MUC17: variants seen among roughly 807,000 people sequenced by gnomAD.
The protein encoded by MUC17 is mucin 17, cell surface associated.
Under a neutral mutation model 170.3 loss-of-function variants are expected in MUC17, and 190 were observed. The observed-to-expected ratio is 1.12, with a 90% CI of 0.99 to 1.26. The LOEUF (loss-of-function observed/expected upper bound fraction) is 1.26, where lower values mean the gene tolerates loss of function less well. Among genes scored for constraint, MUC17 ranks in the 50% most tolerant of loss-of-function variants. MUC17 has a pLI of 0.00. For synonymous variants in MUC17, 2,325 were observed against 2,002.5 expected (o/e 1.16, Z -4.30); for missense variants, 6,415 against 5,530.0 (o/e 1.16, Z -5.08).
In MUC17 at chr7:101,053,373, CAAG is replaced by C; in HGVS notation, c.13305_13307del (p.Glu4436del). The C allele has an allele frequency of 6.2e-7, 1 of 1,614,074 alleles. No individual in the cohort carries two copies. On this transcript the variant is annotated inframe_deletion, in exon 11 of 13. Coordinates refer to ENST00000306151, the MANE Select transcript of MUC17 (RefSeq NM_001040105.2). ...CAGATTGTCTCAGTTATACAAGTGGCAAGAAGAGGACAGTGGACCAGCTCCTGG... is the reference window on the plus strand; with the variant it reads ...CAGATTGTCTCAGTTATACAAGTGGCAAGAGGACAGTGGACCAGCTCCTGG...
intron 12 of MUC17, 42 bp downstream of exon 12, chr7:101,056,312 G>A: frequency 6.2e-7 from 1 of 1,608,450 alleles, no homozygotes. Flanking sequence ...CCCCAACCCT[G>A]CGACTTTCTT....
In MUC17 at chr7:101,043,733, C is replaced by T. The variant is rs780713362; in HGVS notation, c.12317C>T (p.Pro4106Leu). ...CCCAGCACACGGACCACTTCCTTCC[C>T]CACGGTGACCACCACCGCTGTCCCC... is the stretch of plus-strand genomic sequence containing the variant. ...TKPSTRTTSF[P>L]TVTTTAVPTN... is the part of the protein sequence containing the mutation. Residue 4106 changes from proline (P) to leucine (L), a missense_variant, in exon 3 of 13, where the codon CCC (proline) becomes CTC (leucine). Transcript: ENST00000306151. The T allele has an allele frequency of 6.2e-7, 1 of 1,614,144 alleles. No homozygotes were observed. The highest frequency in any genetic ancestry group is 1.3e-5 in the African/African-American group (1 of 75,044).
intron 3 of MUC17, among the ~76,000 whole-genome samples, chr7:101,046,391 G>A (rs1794840946): frequency 6.6e-6 from 1 of 152,184 alleles, no homozygotes; most frequent in Non-Finnish European, 1.5e-5. Context: ...AGATTTTCCA[G>A]GTTGATTGGC....
At position 101,035,476 on chromosome 7, in the gene MUC17, A is replaced by G. The variant is rs776011702; in HGVS notation, c.4060A>G (p.Ile1354Val). 7 of 1,601,504 alleles carry G rather than the reference A, an allele frequency of 4.4e-6. No individual in the cohort carries two copies. In the East Asian group the frequency reaches 6.8e-5, roughly 16 times the overall value. The change falls in exon 3 of 13, where the codon ATC (isoleucine) becomes GTC (valine). Residue 1354 changes from isoleucine to valine, a missense_variant. Transcript: ENST00000306151. ...VNTTLVASSA[I>V]SILSTTPVDN... ...CACCACACTGGTGGCCAGTTCTGCA[A>G]TCAGCATCCTTTCAACAACTCCTGT...
intron 3 of MUC17, among the ~76,000 whole-genome samples, chr7:101,047,665 AC>A (rs1296722908): frequency 6.6e-6 from 1 of 152,122 alleles, no homozygotes; most frequent in African/African-American, 2.4e-5. Context: ...CCCCGTCTCT[AC>A]TAAAAATACA....
intron 1 of MUC17, among the ~76,000 whole-genome samples, chr7:101,022,144 C>T (rs937827944): frequency 2.6e-5 from 4 of 151,038 alleles, no homozygotes; most frequent in East Asian, 1.9e-4. Context: ...CCATCCCACT[C>T]TTGTCCTCCT....
Position 101,031,582 on chromosome 7 carries a change from A to G in MUC17, c.185-19A>G. On this transcript the variant is annotated intron_variant, in intron 2 of 12. Transcript: ENST00000306151. ...ACCCTAAGAAACTTCTAAACAAAATATCATTGTATCTTAAACAGGTTCTGC... is the reference window on the plus strand; with the variant it reads ...ACCCTAAGAAACTTCTAAACAAAATGTCATTGTATCTTAAACAGGTTCTGC... 1.3e-6 allele frequency: 2 copies of G among 1,514,684 alleles called. No homozygotes were observed. The highest frequency in any genetic ancestry group is 1.8e-6 in the Non-Finnish European group (2 of 1,133,326). The allele number at this position is 1,514,684 out of a possible 1,614,324, so 93.8% of individuals were successfully genotyped here.
chr7:101,035,429 C>T lies in MUC17; in HGVS notation c.4013C>T (p.Pro1338Leu). 2 of 1,603,450 alleles carry T rather than the reference C, an allele frequency of 1.2e-6. No individual in the cohort carries two copies. The highest frequency in any genetic ancestry group is 1.3e-5 in the African/African-American group (1 of 74,254). The change falls in exon 3 of 13, where the codon CCT (proline) becomes CTT (leucine). Residue 1338 changes from proline to leucine, a missense_variant. By Grantham distance (98) the Pro-to-Leu change is moderately conservative (BLOSUM62 -3). Coordinates refer to ENST00000306151, the MANE Select transcript of MUC17 (RefSeq NM_001040105.2). The part of the protein sequence containing the change: ...PTSTYSEGRT[P>L]LTSIPVNTTL... ...TCAACTTATAGTGAAGGAAGAACTC[C>T]TTTAACAAGTATACCTGTCAACACC...
Position 101,032,303 on chromosome 7 carries a change from C to T in MUC17, c.887C>T (p.Ser296Leu). Residue 296 changes from serine (S) to leucine (L), a missense_variant, in exon 3 of 13, where the codon TCA becomes TTA. Physicochemically the swap from Ser to Leu is moderately radical, Grantham distance 145 (BLOSUM62 -2). Coordinates refer to ENST00000306151, the MANE Select transcript of MUC17 (RefSeq NM_001040105.2). Reference protein sequence around the residue: ...LVVSSEASTLSTTPAATNIPV... With the variant: ...LVVSSEASTLLTTPAATNIPV... The stretch of plus-strand genomic sequence containing the variant: ...GTCAGTTCTGAGGCTAGCACCCTTT[C>T]AACAACTCCTGCTGCCACCAACATT... The T allele has an allele frequency of 1.2e-6, 2 of 1,613,904 alleles. No individual in the cohort carries two copies. Among genetic ancestry groups the T allele is most frequent in the South Asian group, 1.1e-5 (1 of 91,046 alleles).
At chr7:101,029,153 A>C (rs1794232413) in intron 1 of MUC17, among the ~76,000 whole-genome samples, 1 of 151,516 alleles carries the variant, frequency 6.6e-6, no homozygotes, top group African/African-American at 2.4e-5. Flanking sequence ...ACACCATTGC[A>C]CTCCAGCCTG....
rs144954909 is a variant in MUC17 at position 101,042,392 on chromosome 7, C to A, written c.10976C>A (p.Pro3659His). 46 of 1,614,084 alleles carry A rather than the reference C, an allele frequency of 2.8e-5. No homozygotes were observed. The African/African-American group carries it at 5.7e-4, about 20-fold the overall frequency. The part of the protein sequence containing the change: ...ISEAGTASTL[P>H]VDTSTPVITS... ...GAGGCTGGCACAGCTTCAACACTTCCTGTTGACACCAGCACACCTGTGATC... is the reference window on the plus strand; with the variant it reads ...GAGGCTGGCACAGCTTCAACACTTCATGTTGACACCAGCACACCTGTGATC... Residue 3659 changes from proline (P) to histidine (H), a missense_variant, in exon 3 of 13, where the codon CCT becomes CAT. Transcript: ENST00000306151.
chr7:101,044,805 CA>C (rs932468297), intron 3 of MUC17, among the ~76,000 whole-genome samples: 6 of 151,590 alleles, frequency 4.0e-5, no homozygotes, highest in African/African-American at 1.5e-4. Context: ...TTTTTTTTTG[CA>C]GAAGGTTTTT....
chr7:101,046,057 T>C (rs545063323), intron 3 of MUC17, among the ~76,000 whole-genome samples: 1 of 152,328 alleles, frequency 6.6e-6, no homozygotes, highest in East Asian at 1.9e-4. Context: ...ACGTCTTCAG[T>C]AGTGAAAGCG....
In MUC17 at chr7:101,032,984, T is replaced by C. The variant is rs775787238; in HGVS notation, c.1568T>C (p.Val523Ala). The change falls in exon 3 of 13, where the codon GTG (valine) becomes GCG (alanine). Residue 523 changes from valine (V) to alanine (A), a missense_variant. Physicochemically the swap from Val to Ala is moderately conservative, Grantham distance 64. Transcript: ENST00000306151. Reference protein sequence around the residue: ...LTSMSVSTMPVASSEASTLST... With the variant: ...LTSMSVSTMPAASSEASTLST... ...AGTATGTCTGTCAGCACCATGCCGG[T>C]GGCCAGTTCTGAGGCTAGCACCCTT... 1 of 1,614,060 alleles carries C rather than the reference T, an allele frequency of 6.2e-7. No individual in the cohort carries two copies. Among genetic ancestry groups the C allele is most frequent in the Non-Finnish European group, 8.5e-7 (1 of 1,180,018 alleles).
intron 11 of MUC17, among the ~76,000 whole-genome samples, chr7:101,055,256 TAA>T (rs928802537): frequency 6.6e-6 from 1 of 151,104 alleles, no homozygotes; most frequent in Non-Finnish European, 1.5e-5. Context: ...AGGATTTTTT[TAA>T]AAAAAAATCT....
Position 101,034,734 on chromosome 7 carries a change from G to A in MUC17, c.3318G>A (p.Val1106=), listed in dbSNP as rs144549886. 5.6e-6 allele frequency: 9 copies of A among 1,607,120 alleles called. No individual in the cohort carries two copies. The African/African-American group carries it at 9.4e-5, about 17-fold the overall frequency. Residue 1106 remains valine (V), a synonymous_variant, in exon 3 of 13, where the codon GTG becomes GTA. Transcript: ENST00000306151. The stretch of plus-strand genomic sequence containing the variant: ...AAGGAAGCACTCCACTAACAAGTGT[G>A]CCTGTCAGCACCAGGCTGGTGGTCA... ...YSEGSTPLTS[V]PVSTRLVVSS... is the part of the protein sequence containing the mutation.
chr7:101,025,823 T>C (rs555949039), intron 1 of MUC17, among the ~76,000 whole-genome samples: 2 of 144,752 alleles, frequency 1.4e-5, no homozygotes, highest in Non-Finnish European at 3.0e-5. Context: ...CTGGGCATGG[T>C]GATGCATGCC....
Position 101,038,348 on chromosome 7 carries a change from C to A in MUC17, c.6932C>A (p.Thr2311Asn). 6.2e-7 allele frequency: 1 copy of A among 1,613,796 alleles called. No individual in the cohort carries two copies. Among genetic ancestry groups the A allele is most frequent in the South Asian group, 1.1e-5 (1 of 91,056 alleles). Residue 2311 changes from threonine to asparagine, a missense_variant, in exon 3 of 13, where the codon ACT (threonine) becomes AAT (asparagine). Coordinates refer to ENST00000306151, the MANE Select transcript of MUC17 (RefSeq NM_001040105.2). Reference sequence around the variant, plus strand: ...CCTGTTGACTCCAACACTCCTTTCACTACTTCTACTGAAGCCAGTTCACCT... The same window carrying A: ...CCTGTTGACTCCAACACTCCTTTCAATACTTCTACTGAAGCCAGTTCACCT... ...TTPVDSNTPF[T>N]TSTEASSPPP...
chr7:101,042,115 C>A lies in MUC17; in HGVS notation c.10699C>A (p.Arg3567Ser). 2 of 1,614,162 alleles carry A rather than the reference C, an allele frequency of 1.2e-6. No homozygotes were observed. Among genetic ancestry groups the A allele is most frequent in the Admixed American group, 1.7e-5 (1 of 60,028 alleles). ...AGCAACTCTTCAGGTCACCACTATG[C>A]GTATGTCTACTCCAAGTGAAGGAAG... ...SPATLQVTTM[R>S]MSTPSEGSSS... The change falls in exon 3 of 13, where the codon CGT (arginine) becomes AGT (serine). Residue 3567 changes from arginine (R) to serine (S), a missense_variant. Arg to Ser is a moderately radical substitution (Grantham distance 110). Coordinates refer to ENST00000306151, the MANE Select transcript of MUC17 (RefSeq NM_001040105.2).
Sources: gnomAD v4.1 joint callset for allele counts (sites outside exome capture counted in the v4.1 genomes callset) on GRCh38, gnomAD v4.1.1 for gene constraint, MANE v1.5 for transcripts, NCBI Gene and HGNC (gene_info 2026-07-23, HGNC 2026-07-21) for gene names.